BRINP1: variants seen among roughly 807,000 people sequenced by gnomAD.
The protein encoded by BRINP1 is BMP/retinoic acid-inducible neural-specific protein 1.
A neutral mutation model predicts 72.9 loss-of-function variants in BRINP1; 17 were observed. The ratio of observed to expected loss-of-function variants is 0.23; its 90% confidence interval spans 0.16 to 0.35. The LOEUF (loss-of-function observed/expected upper bound fraction) is 0.35, where lower values mean the gene tolerates loss of function less well. Among genes scored for constraint, BRINP1 ranks in the 10% least tolerant of loss-of-function variants. The pLI, the probability that BRINP1 is intolerant of heterozygous loss-of-function variation, is 1.00. For synonymous variants in BRINP1, 418 were observed against 378.5 expected, an observed-to-expected ratio of 1.10 and a Z score of -1.21; for missense variants, 850 against 1,001.6, an observed-to-expected ratio of 0.85 and a Z score of 2.04.
intron 5 of BRINP1, among the ~76,000 whole-genome samples, chr9:119,218,497 C>T (rs1034201160): frequency 6.6e-6 from 1 of 151,916 alleles, no homozygotes; most frequent in Non-Finnish European, 1.5e-5. Context: ...GAAGTGTTGA[C>T]TTTGAACTTT....
At chr9:119,210,030 T>C (rs1829906600) in intron 6 of BRINP1, among the ~76,000 whole-genome samples, 1 of 152,234 alleles carries the variant, frequency 6.6e-6, no homozygotes, top group Non-Finnish European at 1.5e-5. Context: ...GGCACATCCA[T>C]AGAAATTATC....
intron 2 of BRINP1, among the ~76,000 whole-genome samples, chr9:119,294,691 C>T (rs1235671999): frequency 6.6e-6 from 1 of 151,736 alleles, no homozygotes; most frequent in Non-Finnish European, 1.5e-5. Flanking sequence ...CATAGTAAAA[C>T]CCCATCTCTA....
At chr9:119,282,942 T>G (rs1830727939) in intron 2 of BRINP1, 6 of 985,276 alleles carry the variant, frequency 6.1e-6, no homozygotes, top group African/African-American at 5.2e-5. Flanking sequence ...TCTTTCTCTC[T>G]TCAATGTTAT....
intron 1 of BRINP1, among the ~76,000 whole-genome samples, chr9:119,330,572 A>T (rs1226981756): frequency 6.6e-6 from 1 of 152,128 alleles, no homozygotes; most frequent in East Asian, 1.9e-4. Flanking sequence ...ATCTCATTCA[A>T]TGGTTGACAT....
intron 5 of BRINP1, among the ~76,000 whole-genome samples, chr9:119,232,690 T>C (rs754519665): frequency 3.9e-5 from 6 of 152,220 alleles, no homozygotes; most frequent in Middle Eastern, 3.4e-3. Flanking sequence ...AATAAATAAA[T>C]TAGTAAATGT....
Position 119,313,332 on chromosome 9 carries a change from G to A in BRINP1, c.24C>T (p.Leu8=). 6.2e-7 allele frequency: 1 copy of A among 1,613,894 alleles called. No homozygotes were observed. The highest frequency in any genetic ancestry group is 1.3e-5 in the African/African-American group (1 of 75,020). The change falls in exon 2 of 8, where the codon CTC becomes CTT. Residue 8 remains leucine, a synonymous_variant. Coordinates refer to ENST00000265922, the MANE Select transcript of BRINP1 (RefSeq NM_014618.3). ...GGCCCCATATAAACAGGAAGTAGAG[G>A]AGCTCAACAAACCTCCAGTTCATGC... MNWRFVE[L]LYFLFIWGRI...
chr9:119,179,860 C>A (rs890987846), intron 7 of BRINP1, among the ~76,000 whole-genome samples: 1 of 152,184 alleles, frequency 6.6e-6, no homozygotes, highest in African/African-American at 2.4e-5. Context: ...TCAGCTGCCC[C>A]CCTGCAGGTT....
chr9:119,205,280 T>A (rs1331456310), intron 7 of BRINP1, among the ~76,000 whole-genome samples: 1 of 152,100 alleles, frequency 6.6e-6, no homozygotes, highest in African/African-American at 2.4e-5. Flanking sequence ...TACCTAGCAC[T>A]CAAAATTCCT....
At position 119,208,946 on chromosome 9, in the gene BRINP1, T is replaced by G. The variant is rs1192281246; in HGVS notation, c.923-5A>C. 1.2e-6 allele frequency: 2 copies of G among 1,611,116 alleles called. No homozygotes were observed. The highest frequency in any genetic ancestry group is 1.7e-5 in the Admixed American group (1 of 59,994). On this transcript the variant is annotated splice_region_variant and splice_polypyrimidine_tract_variant and intron_variant, in intron 6 of 7. Transcript: ENST00000265922. ...TCATAAATGATTTAAACTCATCTAG[T>G]GAGAGACAAAGGCCGAGAGAGAAGG...
At chr9:119,216,784 G>C (rs1224882243) in intron 5 of BRINP1, among the ~76,000 whole-genome samples, 1 of 152,156 alleles carries the variant, frequency 6.6e-6, no homozygotes, top group African/African-American at 2.4e-5. Flanking sequence ...AAAGGAATTT[G>C]GGGAGAGCAT....
chr9:119,327,048 C>A (rs1372430312), intron 1 of BRINP1, among the ~76,000 whole-genome samples: 2 of 152,108 alleles, frequency 1.3e-5, no homozygotes, highest in Non-Finnish European at 2.9e-5. Context: ...AATTTTGAGG[C>A]AGGGAGTGGC....
chr9:119,184,446 T>C (rs1366668939), intron 7 of BRINP1, among the ~76,000 whole-genome samples: 4 of 152,200 alleles, frequency 2.6e-5, no homozygotes, highest in African/African-American at 9.6e-5. Context: ...TTGTAAGCAC[T>C]TGTGATTGAC....
intron 3 of BRINP1, among the ~76,000 whole-genome samples, chr9:119,242,593 TCTC>T (rs750580603): frequency 4.7e-4 from 72 of 152,250 alleles, no homozygotes; most frequent in Admixed American, 2.2e-3. Context: ...TCCTCCTTTG[TCTC>T]CTCATTATCA....
At chr9:119,216,348 A>G (rs1389068485) in intron 5 of BRINP1, among the ~76,000 whole-genome samples, 1 of 152,188 alleles carries the variant, frequency 6.6e-6, no homozygotes, top group Non-Finnish European at 1.5e-5. Context: ...CAGTTGAACA[A>G]CGGGCTGCTG....
At chr9:119,180,324 C>A (rs143347681) in intron 7 of BRINP1, among the ~76,000 whole-genome samples, 163 of 152,278 alleles carry the variant, frequency 1.1e-3, no homozygotes, top group Admixed American at 2.2e-3. Context: ...CTTGGCATTT[C>A]TTTGACACTG....
intron 1 of BRINP1, among the ~76,000 whole-genome samples, chr9:119,320,788 A>T (rs550793647): frequency 6.6e-6 from 1 of 152,240 alleles, no homozygotes; most frequent in East Asian, 1.9e-4. Context: ...TCCCACAGGG[A>T]GCTTATACTT....
Position 119,262,632 on chromosome 9 carries a change from C to A in BRINP1, c.219-13482G>T, listed in dbSNP as rs183567676. On this transcript the variant is annotated intron_variant, in intron 2 of 7. Transcript: ENST00000265922. ...TTGCACTCCAGCCTGGGTGACAGAG[C>A]GAGACTCCAACTCAAAAAAAAAAAA... Among the ~76,000 whole-genome samples the A allele has an allele frequency of 6.0e-3, 712 of 117,814 alleles. 4 individuals carry two copies. The highest frequency in any genetic ancestry group is 0.021 in the African/African-American group (636 of 30,984). The allele number at this position is 117,814 out of a possible 152,430, so 77.3% of individuals were successfully genotyped here. A position where few individuals can be genotyped will look rare whatever the true frequency, so the allele number is the denominator to read the frequency against.
chr9:119,180,227 G>A (rs1457563771), intron 7 of BRINP1, among the ~76,000 whole-genome samples: 1 of 152,180 alleles, frequency 6.6e-6, no homozygotes, highest in Non-Finnish European at 1.5e-5. Context: ...TGCCTACCAG[G>A]AGTGTGTATT....
rs1831725491 is a variant in BRINP1 at position 119,368,967 on chromosome 9, C to A, written c.-51+89G>T. On this transcript the variant is annotated intron_variant, in intron 1 of 7. Transcript: ENST00000265922. The surrounding 1 kb of genome is among the most constrained non-coding windows in gnomAD (Gnocchi z 4.7). Reference sequence around the variant, plus strand: ...ACAAGGGTGCCGGTAGGGGGAGGGGCAGAGGAGCGCGGGGACGCCCCGAAT... The same window carrying A: ...ACAAGGGTGCCGGTAGGGGGAGGGGAAGAGGAGCGCGGGGACGCCCCGAAT... The A allele has an allele frequency of 2.6e-6, 1 of 389,280 alleles. No individual in the cohort carries two copies. The highest frequency in any genetic ancestry group is 3.6e-5 in the East Asian group (1 of 27,524). The allele number at this position is 389,280 out of a possible 1,614,324, so 24.1% of individuals were successfully genotyped here. A position where few individuals can be genotyped will look rare whatever the true frequency, so the allele number is the denominator to read the frequency against.
Sources: allele counts gnomAD v4.1 joint callset (sites outside exome capture counted in the v4.1 genomes callset), GRCh38; gene constraint gnomAD v4.1.1; non-coding constraint Gnocchi (gnomAD v3.1); transcripts MANE v1.5; gene names NCBI Gene and HGNC (gene_info 2026-07-23, HGNC 2026-07-21).